The following GARIN2 variants were observed in gnomAD, a reference collection of about 807,000 sequenced individuals.
The protein encoded by GARIN2 is Golgi-associated RAB2 interactor protein 2.
the GARIN2 span, chr14:67,204,552 G>T: frequency 1.2e-6 from 2 of 1,613,110 alleles, no homozygotes; most frequent in South Asian, 2.2e-5. Flanking sequence ...TCCCTCTGCA[G>T]TTTGTGACTC....
At chr14:67,203,104 G>C in the GARIN2 span, 2 of 1,612,782 alleles carry the variant, frequency 1.2e-6, no homozygotes, top group Non-Finnish European at 1.7e-6. Flanking sequence ...GTCAACAGAA[G>C]AGGTGAATCC....
the GARIN2 span, among the ~76,000 whole-genome samples, chr14:67,200,729 T>C: frequency 1.3e-5 from 2 of 152,216 alleles, no homozygotes; most frequent in Non-Finnish European, 2.9e-5. Context: ...TTTGATGTAC[T>C]TTACCTTATA....
chr14:67,224,615 T>G, the GARIN2 span: 1 of 290,252 alleles, frequency 3.4e-6, no homozygotes, highest in Non-Finnish European at 6.7e-6. Context: ...TTATTCTCCT[T>G]AACTTTTAAA....
the GARIN2 span, among the ~76,000 whole-genome samples, chr14:67,225,789 G>A: frequency 6.6e-6 from 1 of 152,140 alleles, no homozygotes; most frequent in African/African-American, 2.4e-5. Flanking sequence ...CGAAACACCA[G>A]CTCTGCAGTG....
chr14:67,200,247 C>G, the GARIN2 span: 1 of 901,332 alleles, frequency 1.1e-6, no homozygotes, highest in Non-Finnish European at 1.7e-6. Context: ...CTATGGCTAC[C>G]AGCCTCTCCC....
At chr14:67,199,960 G>A in the GARIN2 span, 3 of 1,281,506 alleles carry the variant, frequency 2.3e-6, no homozygotes, top group Non-Finnish European at 3.2e-6. Flanking sequence ...ACCAGGAGGA[G>A]TGCCCCATCC....
chr14:67,198,716 T>C, the GARIN2 span, among the ~76,000 whole-genome samples: 2 of 152,198 alleles, frequency 1.3e-5, no homozygotes, highest in African/African-American at 4.8e-5. Flanking sequence ...GTTCTGAAGG[T>C]AAATTGTCAG....
chr14:67,196,355 T>G, the GARIN2 span, among the ~76,000 whole-genome samples: 3 of 152,068 alleles, frequency 2.0e-5, no homozygotes, highest in African/African-American at 7.2e-5. Context: ...TAGCTGGGAT[T>G]ACAGGCACCT....
At chr14:67,207,824 C>A in the GARIN2 span, among the ~76,000 whole-genome samples, 37 of 152,168 alleles carry the variant, frequency 2.4e-4, no homozygotes, top group Non-Finnish European at 4.6e-4. Context: ...GCCCCTGTAA[C>A]CTATCAGATG....
the GARIN2 span, among the ~76,000 whole-genome samples, chr14:67,197,939 C>A: frequency 1.3e-5 from 2 of 152,142 alleles, no homozygotes; most frequent in African/African-American, 4.8e-5. Flanking sequence ...TACCTGTCTC[C>A]CCATAGAGTG....
chr14:67,208,588 A>C, the GARIN2 span: 3 of 957,918 alleles, frequency 3.1e-6, no homozygotes, highest in Non-Finnish European at 4.5e-6. Context: ...ATGATGATAT[A>C]GTCAACTCTG....
At chr14:67,199,706 C>A in the GARIN2 span, 1 of 1,583,958 alleles carries the variant, frequency 6.3e-7, no homozygotes, top group East Asian at 2.2e-5. Flanking sequence ...AGATGCACCT[C>A]CTTCACCCTC....
At chr14:67,200,208 G>T in the GARIN2 span, 1 of 1,107,478 alleles carries the variant, frequency 9.0e-7, no homozygotes, top group South Asian at 1.7e-5. Context: ...TGCCCCCCAT[G>T]GATACACTGG....
chr14:67,220,805 T>G, the GARIN2 span, among the ~76,000 whole-genome samples: 2 of 152,232 alleles, frequency 1.3e-5, no homozygotes, highest in African/African-American at 4.8e-5. Flanking sequence ...ACTATATGAA[T>G]ATTTGCAAAC....
At chr14:67,193,380 G>GAT in the GARIN2 span, among the ~76,000 whole-genome samples, 7 of 126,064 alleles carry the variant, frequency 5.6e-5, no homozygotes, top group African/African-American at 1.7e-4. Flanking sequence ...TATATATCTA[G>GAT]ATATATCTAG....
the GARIN2 span, chr14:67,221,773 T>C: frequency 6.2e-7 from 1 of 1,613,342 alleles, no homozygotes; most frequent in East Asian, 2.2e-5. Context: ...CTATTTATTT[T>C]TACAGGAGCT....
chr14:67,223,836 A>C, the GARIN2 span: 1 of 985,536 alleles, frequency 1.0e-6, no homozygotes, highest in African/African-American at 1.8e-5. Context: ...TTCCCCTTCC[A>C]TACACTTTTA....
chr14:67,211,274 G>A, the GARIN2 span, among the ~76,000 whole-genome samples: 1 of 152,064 alleles, frequency 6.6e-6, no homozygotes, highest in African/African-American at 2.4e-5. Flanking sequence ...GAGGAAGGAA[G>A]GAAAGAGAGA....
At chr14:67,228,410 C>T in the GARIN2 span, 1 of 418,396 alleles carries the variant, frequency 2.4e-6, no homozygotes, top group South Asian at 1.0e-4. Context: ...AATGAACTGA[C>T]TTCTCCACCT....
Sources: allele counts gnomAD v4.1 joint callset (sites outside exome capture counted in the v4.1 genomes callset), GRCh38; gene constraint gnomAD v4.1.1; transcripts MANE v1.5; gene names NCBI Gene and HGNC (gene_info 2026-07-23, HGNC 2026-07-21).